The following SGCD variants were observed in gnomAD, a reference collection of about 807,000 sequenced individuals.
SGCD encodes the protein delta-sarcoglycan.
SGCD carries 18 observed loss-of-function variants against 36.6 expected under a neutral mutation model. The ratio of observed to expected loss-of-function variants is 0.49; its 90% CI spans 0.34 to 0.73. The LOEUF is 0.73. SGCD is among the 30% of genes least tolerant of loss of function. The pLI, the probability that SGCD is intolerant of heterozygous loss-of-function variation, is 0.01. For missense variants in SGCD, 387 were observed against 346.7 expected (o/e 1.12, Z -0.92); for synonymous variants, 133 against 130.6 (o/e 1.02, Z -0.12).
At chr5:155,873,800 CA>C (rs1200215838) in intron 1 of SGCD, among the ~76,000 whole-genome samples, 62 of 152,144 alleles carry the variant, frequency 4.1e-4, no homozygotes, top group African/African-American at 1.3e-3. Flanking sequence ...TATGACTCAC[CA>C]GGGGGAAAAG....
intron 1 of SGCD, among the ~76,000 whole-genome samples, chr5:155,962,358 A>G (rs1757809360): frequency 6.6e-6 from 1 of 151,956 alleles, no homozygotes; most frequent in African/African-American, 2.4e-5. Flanking sequence ...TTACTAGTCA[A>G]GGGTATATTT....
intron 3 of SGCD, among the ~76,000 whole-genome samples, chr5:156,408,869 A>C (rs1202941606): frequency 6.6e-6 from 1 of 152,164 alleles, no homozygotes; most frequent in African/African-American, 2.4e-5. Context: ...GACTTTAGGC[A>C]AGTCCCTGGG....
At chr5:155,916,685 T>C (rs1455053149) in intron 1 of SGCD, among the ~76,000 whole-genome samples, 2 of 152,232 alleles carry the variant, frequency 1.3e-5, no homozygotes, top group Non-Finnish European at 2.9e-5. Flanking sequence ...GTCTCAGAAG[T>C]GTATCAGATT....
chr5:156,415,254 C>T (rs899993969), intron 3 of SGCD, among the ~76,000 whole-genome samples: 4 of 152,092 alleles, frequency 2.6e-5, no homozygotes, highest in South Asian at 2.1e-4. Flanking sequence ...GGTATTTCTC[C>T]GCAACCCAGA....
intron 7 of SGCD, among the ~76,000 whole-genome samples, chr5:156,710,130 T>G (rs1321959499): frequency 1.3e-5 from 2 of 152,046 alleles, no homozygotes; most frequent in African/African-American, 2.4e-5. Context: ...GATAGAATAG[T>G]GGTAGACAAA....
At chr5:156,570,561 A>G (rs1395140397) in intron 4 of SGCD, among the ~76,000 whole-genome samples, 2 of 152,136 alleles carry the variant, frequency 1.3e-5, no homozygotes, top group Non-Finnish European at 2.9e-5. Context: ...TTTTATATGC[A>G]GTCTCTGTGG....
chr5:156,547,226 G>T (rs1462392550), intron 4 of SGCD, among the ~76,000 whole-genome samples: 16 of 152,022 alleles, frequency 1.1e-4, no homozygotes, highest in Admixed American at 1.0e-3. Flanking sequence ...CCTTTGTATT[G>T]TGGGGTGTTT....
At position 156,577,919 on chromosome 5, in the gene SGCD, C is replaced by T. The variant is rs185878595; in HGVS notation, c.295-11312C>T. Among the ~76,000 whole-genome samples, 340 of 152,194 alleles carry T rather than the reference C, an allele frequency of 2.2e-3. 3 individuals are homozygous for T. Among genetic ancestry groups the T allele is most frequent in the Admixed American group, 5.9e-3 (90 of 15,266 alleles). ...TGAATACCCTTTATTTCTTTCTCTT[C>T]CTGATTGCCCTGGCCAGAACTTGCA... On this transcript the variant is annotated intron_variant, in intron 4 of 8. Coordinates refer to ENST00000337851, the MANE Select transcript of SGCD (RefSeq NM_000337.6).
intron 4 of SGCD, among the ~76,000 whole-genome samples, chr5:156,566,633 T>C (rs1759489645): frequency 6.6e-6 from 1 of 152,152 alleles, no homozygotes; most frequent in Non-Finnish European, 1.5e-5. Context: ...CTGTTTTTCT[T>C]TGATAATCTA....
chr5:156,173,957 T>G (rs924069856), intron 3 of SGCD, among the ~76,000 whole-genome samples: 2 of 152,220 alleles, frequency 1.3e-5, no homozygotes, highest in Non-Finnish European at 1.5e-5. Flanking sequence ...GTCCCAGTTT[T>G]CATACACATA....
intron 3 of SGCD, among the ~76,000 whole-genome samples, chr5:156,218,928 G>A (rs973581437): frequency 1.3e-5 from 2 of 151,922 alleles, no homozygotes; most frequent in African/African-American, 4.8e-5. Flanking sequence ...ACAGTGTTTT[G>A]TACATAGCAG....
chr5:156,533,829 G>A (rs1280695807), intron 4 of SGCD, among the ~76,000 whole-genome samples: 3 of 152,110 alleles, frequency 2.0e-5, no homozygotes, highest in Admixed American at 1.3e-4. Context: ...TAAATAATAA[G>A]TGCAAGAACC....
chr5:156,346,411 A>T (rs564313813), intron 3 of SGCD, among the ~76,000 whole-genome samples: 39 of 152,162 alleles, frequency 2.6e-4, no homozygotes, highest in Non-Finnish European at 4.4e-4. Flanking sequence ...CAATCCTCCC[A>T]TTTCAATCCC....
intron 3 of SGCD, among the ~76,000 whole-genome samples, chr5:156,137,038 T>C (rs1474888441): frequency 6.6e-6 from 1 of 152,224 alleles, no homozygotes; most frequent in Non-Finnish European, 1.5e-5. Flanking sequence ...GCCTGTGGTA[T>C]GAAGCACAGT....
At chr5:156,650,775 G>A (rs760558322) in intron 7 of SGCD, among the ~76,000 whole-genome samples, 2 of 151,870 alleles carry the variant, frequency 1.3e-5, no homozygotes, top group African/African-American at 2.4e-5. Flanking sequence ...TCTTAGTGTT[G>A]TATATTGCAA....
chr5:156,154,602 G>A (rs1190669272), intron 3 of SGCD, among the ~76,000 whole-genome samples: 3 of 151,572 alleles, frequency 2.0e-5, no homozygotes, highest in Admixed American at 1.3e-4. Context: ...GCTAGGTACT[G>A]CACTTAGTGC....
chr5:156,716,013 C>A (rs1025537021), intron 7 of SGCD, among the ~76,000 whole-genome samples: 1 of 152,086 alleles, frequency 6.6e-6, no homozygotes, highest in African/African-American at 2.4e-5. Flanking sequence ...GCATTGTTTG[C>A]AAGAAAAGAA....
At chr5:156,358,711 G>A (rs1489006066) in intron 3 of SGCD, among the ~76,000 whole-genome samples, 1 of 152,204 alleles carries the variant, frequency 6.6e-6, no homozygotes, top group Non-Finnish European at 1.5e-5. Flanking sequence ...AAGGCAGGAA[G>A]GGGTGATTTG....
chr5:156,535,162 T>C (rs957273789), intron 4 of SGCD, among the ~76,000 whole-genome samples: 5 of 152,112 alleles, frequency 3.3e-5, no homozygotes, highest in African/African-American at 9.7e-5. Flanking sequence ...TTGTCAGAGA[T>C]TTTTTTTCAG....
Sources: gnomAD v4.1 joint callset for allele counts (sites outside exome capture counted in the v4.1 genomes callset) on GRCh38, gnomAD v4.1.1 for gene constraint, MANE v1.5 for transcripts, NCBI Gene and HGNC (gene_info 2026-07-23, HGNC 2026-07-21) for gene names.